The following CNTN5 variants were observed in gnomAD, a reference collection of about 807,000 sequenced individuals.
The protein encoded by CNTN5 is contactin-5.
CNTN5 carries 77 observed loss-of-function variants against 129.1 expected under a neutral mutation model. That is an observed-to-expected ratio of 0.60 (90% confidence interval 0.50 to 0.72). The LOEUF (loss-of-function observed/expected upper bound fraction) is 0.72. Ranked by LOEUF, CNTN5 falls within the 30% of genes least tolerant of loss-of-function variation. The pLI is 0.00. For synonymous variants in CNTN5, 509 were observed against 465.6 expected, an observed-to-expected ratio of 1.09 and a Z score of -1.20; for missense variants, 1,478 against 1,328.8, an observed-to-expected ratio of 1.11 and a Z score of -1.75.
At chr11:100,337,990 G>T (rs1477220956) in intron 21 of CNTN5, among the ~76,000 whole-genome samples, 2 of 152,200 alleles carry the variant, frequency 1.3e-5, no homozygotes, top group Non-Finnish European at 2.9e-5. Flanking sequence ...GTGAAACCTT[G>T]CCCCTTCTCT....
chr11:100,165,673 C>A lies in CNTN5; in HGVS notation c.1581-25453C>A, dbSNP rs1947608865. Among the ~76,000 whole-genome samples, 3 of 151,802 alleles carry A rather than the reference C, an allele frequency of 2.0e-5. No homozygotes were observed. The South Asian group carries it at 6.2e-4, about 31-fold the overall frequency. The stretch of plus-strand genomic sequence containing the variant: ...TTCCATCACATAACCAAAATAATTA[C>A]TACTGAGAGCGGGAGAGTGAATGAA... On this transcript the variant is annotated intron_variant, in intron 13 of 24. Coordinates refer to ENST00000524871, the MANE Select transcript of CNTN5 (RefSeq NM_014361.4).
In CNTN5 at chr11:99,965,686, C is replaced by T. The variant is rs1362992477; in HGVS notation, c.877+8677C>T. 3.3e-5 allele frequency among the ~76,000 whole-genome samples: 5 copies of T among 152,062 alleles called. No individual in the cohort carries two copies. In the East Asian group the frequency reaches 9.7e-4, roughly 29 times the overall value. ...AGATGTCTATTAGGTCTGCTTGGTG[C>T]AGAGCTGAGTTCAATTCCTGGATAT... is the stretch of plus-strand genomic sequence containing the variant. On this transcript the variant is annotated intron_variant, in intron 8 of 24. Coordinates refer to ENST00000524871, the MANE Select transcript of CNTN5 (RefSeq NM_014361.4).
chr11:99,391,591 A>C (rs183395425), intron 2 of CNTN5, among the ~76,000 whole-genome samples: 1 of 152,176 alleles, frequency 6.6e-6, no homozygotes, highest in Admixed American at 6.6e-5. Flanking sequence ...TGCTCAGAGG[A>C]GCTATGTGGA....
At chr11:99,043,707 T>G (rs1864097439) in intron 1 of CNTN5, among the ~76,000 whole-genome samples, 1 of 152,160 alleles carries the variant, frequency 6.6e-6, no homozygotes, top group African/African-American at 2.4e-5. Flanking sequence ...ACATTCAAAT[T>G]TTTCTACTCA....
At chr11:99,968,365 C>T (rs1277205146) in intron 8 of CNTN5, among the ~76,000 whole-genome samples, 2 of 152,120 alleles carry the variant, frequency 1.3e-5, no homozygotes, top group Non-Finnish European at 2.9e-5. Context: ...CTATGATTTT[C>T]ATTTTTAATT....
chr11:100,228,825 G>A (rs900701023), intron 16 of CNTN5, among the ~76,000 whole-genome samples: 1 of 152,122 alleles, frequency 6.6e-6, no homozygotes, highest in African/African-American at 2.4e-5. Context: ...GTTCACCTGC[G>A]TACATTCTCA....
chr11:99,267,903 T>C (rs1862977295), intron 1 of CNTN5, among the ~76,000 whole-genome samples: 1 of 134,292 alleles, frequency 7.4e-6, no homozygotes, highest in South Asian at 2.5e-4. Flanking sequence ...CTCTATCAAG[T>C]AAACACACAC....
At position 99,133,400 on chromosome 11, in the gene CNTN5, G is replaced by T. The variant is rs184539191; in HGVS notation, c.-210+112130G>T. Among the ~76,000 whole-genome samples the T allele has an allele frequency of 1.0e-3, 156 of 151,822 alleles. 1 individual carries two copies. Among genetic ancestry groups the T allele is most frequent in the African/African-American group, 3.5e-3 (145 of 41,440 alleles). On this transcript the variant is annotated intron_variant, in intron 1 of 24. Transcript: ENST00000524871. ...CAATTGCAAAAAAAAGGAAAAATTGGCAAATGGGATCTAATTAAATGAAAG... is the reference window on the plus strand; with the variant it reads ...CAATTGCAAAAAAAAGGAAAAATTGTCAAATGGGATCTAATTAAATGAAAG...
intron 10 of CNTN5, among the ~76,000 whole-genome samples, chr11:100,062,951 A>G (rs1284383309): frequency 6.6e-6 from 1 of 152,180 alleles, no homozygotes; most frequent in South Asian, 2.1e-4. Flanking sequence ...CAACAGTTTG[A>G]AGTATTACCA....
intron 6 of CNTN5, among the ~76,000 whole-genome samples, chr11:99,859,363 C>A (rs1451119494): frequency 6.6e-6 from 1 of 152,050 alleles, no homozygotes; most frequent in African/African-American, 2.4e-5. Flanking sequence ...TTATTTTCTC[C>A]CAACTCTTAT....
At chr11:99,721,607 C>T (rs76277545) in intron 3 of CNTN5, among the ~76,000 whole-genome samples, 1 of 151,856 alleles carries the variant, frequency 6.6e-6, no homozygotes, top group South Asian at 2.1e-4. Context: ...CAAAAGCAAT[C>T]GTAACAAAAG....
intron 7 of CNTN5, among the ~76,000 whole-genome samples, chr11:99,917,919 C>T (rs1351727308): frequency 6.6e-6 from 1 of 152,106 alleles, no homozygotes; most frequent in South Asian, 2.1e-4. Context: ...AATGACTGTT[C>T]AGTAATCGTG....
intron 2 of CNTN5, among the ~76,000 whole-genome samples, chr11:99,332,112 G>A (rs1866025456): frequency 6.6e-6 from 1 of 152,040 alleles, no homozygotes; most frequent in Admixed American, 6.6e-5. Context: ...CTAACTGATA[G>A]AACTATTATT....
intron 1 of CNTN5, among the ~76,000 whole-genome samples, chr11:99,121,980 C>CAT (rs10673411): frequency 0.11 from 16,795 of 150,928 alleles, 1,158 homozygotes; most frequent in East Asian, 0.34. Context: ...AATTCTTTTA[C>CAT]ATATATATAT....
chr11:99,910,417 A>G (rs1221790224), intron 6 of CNTN5, among the ~76,000 whole-genome samples: 1 of 152,090 alleles, frequency 6.6e-6, no homozygotes, highest in Non-Finnish European at 1.5e-5. Flanking sequence ...GTATTAGAGA[A>G]TGCTAATTTA....
At chr11:99,163,902 G>A (rs1390729898) in intron 1 of CNTN5, among the ~76,000 whole-genome samples, 1 of 152,028 alleles carries the variant, frequency 6.6e-6, no homozygotes, top group Non-Finnish European at 1.5e-5. Context: ...ACAATGCAGT[G>A]TGGAACTAGT....
intron 3 of CNTN5, among the ~76,000 whole-genome samples, chr11:99,591,707 G>A (rs540128191): frequency 1.3e-5 from 2 of 152,108 alleles, no homozygotes; most frequent in Non-Finnish European, 2.9e-5. Flanking sequence ...CATGGATATT[G>A]TAAGAATTGT....
At chr11:100,346,089 T>G (rs1952272276) in intron 23 of CNTN5, among the ~76,000 whole-genome samples, 1 of 152,172 alleles carries the variant, frequency 6.6e-6, no homozygotes, top group South Asian at 2.1e-4. Context: ...CCTATTTTAT[T>G]AATACATTAT....
intron 1 of CNTN5, among the ~76,000 whole-genome samples, chr11:99,188,457 A>G (rs1224309766): frequency 1.3e-5 from 2 of 151,814 alleles, no homozygotes; most frequent in African/African-American, 2.4e-5. Flanking sequence ...TGTTTTGCCA[A>G]TCTGATAGGT....
Sources: gnomAD v4.1 joint callset for allele counts (sites outside exome capture counted in the v4.1 genomes callset) on GRCh38, gnomAD v4.1.1 for gene constraint, MANE v1.5 for transcripts, NCBI Gene and HGNC (gene_info 2026-07-23, HGNC 2026-07-21) for gene names.